Variants in TAFA4 observed in about 807,000 individuals in gnomAD.
TAFA4 encodes the protein TAFA chemokine like family member 4, also known as chemokine-like protein TAFA-4.
A neutral mutation model predicts 21.1 loss-of-function variants in TAFA4; 20 were observed. That is an observed-to-expected ratio of 0.95 (90% confidence interval 0.67 to 1.38). The LOEUF (loss-of-function observed/expected upper bound fraction) is 1.38. Ranked by LOEUF, TAFA4 falls within the 40% of genes most tolerant of loss-of-function variation. The pLI is 0.00. For missense variants in TAFA4, 211 were observed against 180.9 expected, an observed-to-expected ratio of 1.17 and a Z score of -0.95; for synonymous variants, 71 against 67.4, an observed-to-expected ratio of 1.05 and a Z score of -0.26.
chr3:68,752,309 C>T (rs1702569795), intron 4 of TAFA4, among the ~76,000 whole-genome samples: 1 of 152,132 alleles, frequency 6.6e-6, no homozygotes, highest in Admixed American at 6.5e-5. Flanking sequence ...CACCTACAAC[C>T]ATCAACATTC....
intron 3 of TAFA4, among the ~76,000 whole-genome samples, chr3:68,832,524 G>C (rs1704424181): frequency 6.6e-6 from 1 of 152,190 alleles, no homozygotes; most frequent in Admixed American, 6.5e-5. Context: ...CTGCAGAAAA[G>C]CAAATATTGC....
intron 3 of TAFA4, among the ~76,000 whole-genome samples, chr3:68,843,121 G>A (rs1043742393): frequency 2.6e-5 from 4 of 152,112 alleles, no homozygotes; most frequent in Non-Finnish European, 4.4e-5. Context: ...TAATTACTTT[G>A]GGCAGTATGG....
At chr3:68,758,561 C>A (rs1195393605) in intron 3 of TAFA4, among the ~76,000 whole-genome samples, 1 of 152,220 alleles carries the variant, frequency 6.6e-6, no homozygotes, top group Non-Finnish European at 1.5e-5. Context: ...CCTTGTGGAA[C>A]TGTGAGTCCA....
intron 3 of TAFA4, among the ~76,000 whole-genome samples, chr3:68,873,890 T>C (rs2089517022): frequency 6.6e-6 from 1 of 152,218 alleles, no homozygotes; most frequent in South Asian, 2.1e-4. Flanking sequence ...CACCCTTGGA[T>C]GGCTGGTATT....
intron 4 of TAFA4, among the ~76,000 whole-genome samples, chr3:68,741,010 A>C (rs994088845): frequency 1.3e-5 from 2 of 152,162 alleles, no homozygotes; most frequent in South Asian, 2.1e-4. Context: ...CTACATGTCT[A>C]TTTATTTTTA....
intron 3 of TAFA4, among the ~76,000 whole-genome samples, chr3:68,865,582 T>A (rs1033331300): frequency 6.6e-6 from 1 of 152,280 alleles, no homozygotes; most frequent in Admixed American, 6.5e-5. Flanking sequence ...TCCCCAGTCA[T>A]GTGGAACTGT....
intron 3 of TAFA4, among the ~76,000 whole-genome samples, chr3:68,807,741 C>G (rs1000140261): frequency 1.3e-5 from 2 of 152,182 alleles, no homozygotes; most frequent in Non-Finnish European, 2.9e-5. Context: ...AGAGCTTTAT[C>G]AAGAGACACT....
chr3:68,814,794 A>G (rs1374910833), intron 3 of TAFA4, among the ~76,000 whole-genome samples: 1 of 152,196 alleles, frequency 6.6e-6, no homozygotes, highest in African/African-American at 2.4e-5. Context: ...GACTTTCTTC[A>G]CAGAATTGGA....
chr3:68,907,296 T>C (rs148857487), intron 1 of TAFA4, among the ~76,000 whole-genome samples: 1 of 152,290 alleles, frequency 6.6e-6, no homozygotes, highest in Non-Finnish European at 1.5e-5. Context: ...CAACTGTCAT[T>C]CTCAGTAGAA....
rs34656559 is a variant in TAFA4, at chr3:68,731,783, A to AT, written c.*1358dup. On this transcript the variant is annotated 3_prime_UTR_variant, in exon 6 of 6. Transcript: ENST00000295569. The stretch of plus-strand genomic sequence containing the variant: ...AACATGTATGCCATCAGCAGGATGA[A>AT]TTTTTTTACTTATTCATATGATCAT... The AT allele has an allele frequency of 6.6e-6, 1 of 152,082 alleles. No homozygotes were observed. Among genetic ancestry groups the AT allele is most frequent in the African/African-American group, 2.4e-5 (1 of 41,426 alleles). The allele number at this position is 152,082 out of a possible 1,614,324, so 9.4% of individuals were successfully genotyped here.
intron 3 of TAFA4, among the ~76,000 whole-genome samples, chr3:68,788,242 C>T (rs1703296787): frequency 6.6e-6 from 1 of 152,170 alleles, no homozygotes; most frequent in Non-Finnish European, 1.5e-5. Context: ...CCTTCTCCCT[C>T]ACTACCCTGG....
intron 3 of TAFA4, among the ~76,000 whole-genome samples, chr3:68,871,564 CA>C (rs1334234992): frequency 6.6e-6 from 1 of 151,866 alleles, no homozygotes; most frequent in East Asian, 1.9e-4. Flanking sequence ...GTCACAAAAG[CA>C]AAAATTTTCT....
intron 3 of TAFA4, among the ~76,000 whole-genome samples, chr3:68,768,853 C>T (rs1431218199): frequency 6.6e-6 from 1 of 152,118 alleles, no homozygotes; most frequent in Non-Finnish European, 1.5e-5. Flanking sequence ...AAAGACAAAC[C>T]TTGCATGATC....
chr3:68,768,155 C>T (rs1471503345), intron 3 of TAFA4, among the ~76,000 whole-genome samples: 4 of 151,882 alleles, frequency 2.6e-5, no homozygotes, highest in Non-Finnish European at 1.5e-5. Context: ...ACAAAGGAAA[C>T]AATCAGAGTG....
chr3:68,860,309 T>C (rs965247659), intron 3 of TAFA4, among the ~76,000 whole-genome samples: 2 of 152,148 alleles, frequency 1.3e-5, no homozygotes, highest in Admixed American at 6.6e-5. Context: ...GAATATCAAG[T>C]GCACTATTGT....
chr3:68,740,244 C>T (rs1702325111), intron 4 of TAFA4, among the ~76,000 whole-genome samples: 1 of 151,968 alleles, frequency 6.6e-6, no homozygotes, highest in African/African-American at 2.4e-5. Context: ...AAAATGTCAG[C>T]TGTTAATATG....
At chr3:68,800,948 A>G (rs1703565334) in intron 3 of TAFA4, among the ~76,000 whole-genome samples, 2 of 152,202 alleles carry the variant, frequency 1.3e-5, no homozygotes, top group African/African-American at 2.4e-5. Flanking sequence ...GGCAAGAGGC[A>G]GGAATTTGAG....
At chr3:68,814,939 C>G (rs1428225820) in intron 3 of TAFA4, among the ~76,000 whole-genome samples, 1 of 152,198 alleles carries the variant, frequency 6.6e-6, no homozygotes, top group East Asian at 1.9e-4. Flanking sequence ...GTAACCAAAA[C>G]AGCATGGTGC....
At chr3:68,814,219 G>A (rs1240630956) in intron 3 of TAFA4, among the ~76,000 whole-genome samples, 2 of 152,086 alleles carry the variant, frequency 1.3e-5, no homozygotes, top group Non-Finnish European at 2.9e-5. Flanking sequence ...CATACTGAAT[G>A]GGCAAAAATG....
Sources: allele counts gnomAD v4.1 joint callset (sites outside exome capture counted in the v4.1 genomes callset), GRCh38; gene constraint gnomAD v4.1.1; transcripts MANE v1.5; gene names NCBI Gene and HGNC (gene_info 2026-07-23, HGNC 2026-07-21).